MKI67: variants seen among roughly 807,000 people sequenced by gnomAD.
MKI67 encodes marker of proliferation Ki-67, also known as proliferation marker protein Ki-67.
MKI67 carries 152 observed loss-of-function variants against 233.5 expected under a neutral mutation model. The observed-to-expected ratio is 0.65, with a 90% CI of 0.57 to 0.74. The LOEUF is 0.74. Among genes scored for constraint, MKI67 ranks in the 30% least tolerant of loss-of-function variants. MKI67 has a pLI of 0.00. For missense variants in MKI67, 3,940 were observed against 3,885.2 expected (o/e 1.01, Z -0.37); for synonymous variants, 1,465 against 1,418.5 (o/e 1.03, Z -0.74).
Position 128,097,553 on chromosome 10 carries a change from G to A in MKI67, c.*1637C>T, listed in dbSNP as rs1033350415. The stretch of plus-strand genomic sequence containing the variant: ...ATGGCTGGATGAAATTTTTCTATGT[G>A]AGGTTCATAATTACTACTAAGTCTA... On this transcript the variant is annotated 3_prime_UTR_variant, in exon 15 of 15. Transcript: ENST00000368654. 5.3e-5 allele frequency: 8 copies of A among 152,118 alleles called. No homozygotes were observed. Among genetic ancestry groups the A allele is most frequent in the Non-Finnish European group, 8.8e-5 (6 of 68,016 alleles). 9.4% of individuals were successfully genotyped at this position (152,118 alleles called of 1,614,324 possible).
At chr10:128,101,733 C>T (rs1852341690) in intron 13 of MKI67, 32 bp from the exon 14 acceptor site, 2 of 1,525,210 alleles carry the variant, frequency 1.3e-6, no homozygotes, top group South Asian at 2.5e-5. Flanking sequence ...CACAAAATTC[C>T]AATAATTAGT....
chr10:128,115,238 A>G lies in MKI67; in HGVS notation c.1170T>C (p.Leu390=), dbSNP rs750091742. 6.2e-7 allele frequency: 1 copy of G among 1,614,224 alleles called. No individual in the cohort carries two copies. The highest frequency in any genetic ancestry group is 8.5e-7 in the Non-Finnish European group (1 of 1,180,042). The part of the protein sequence containing the change: ...SEGFKAGDKT[L]TPRKLSTRNR... ...TTCTAGTTGAAAGCTTCCTGGGAGTAAGAGTTTTATCACCAGCCTTGAAGC... is the reference window on the plus strand; with the variant it reads ...TTCTAGTTGAAAGCTTCCTGGGAGTGAGAGTTTTATCACCAGCCTTGAAGC... Residue 390 remains leucine, a synonymous_variant, in exon 7 of 15, where the codon CTT becomes CTC. Transcript: ENST00000368654.
chr10:128,118,808 C>T (rs1254113788), intron 5 of MKI67, among the ~76,000 whole-genome samples: 5 of 152,100 alleles, frequency 3.3e-5, no homozygotes, highest in African/African-American at 4.8e-5. Context: ...TTTCATGGGT[C>T]GTCTATCTAT....
At chr10:128,122,449 T>C (rs1170970900) in intron 4 of MKI67, among the ~76,000 whole-genome samples, 1 of 152,158 alleles carries the variant, frequency 6.6e-6, no homozygotes, top group East Asian at 1.9e-4. Context: ...GAATTCAAAA[T>C]ATGAATTTCG....
Position 128,102,640 on chromosome 10 carries a change from C to T in MKI67, c.9200G>A (p.Ser3067Asn), listed in dbSNP as rs1373589907. The T allele has an allele frequency of 6.2e-7, 1 of 1,614,108 alleles. No homozygotes were observed. Among genetic ancestry groups the T allele is most frequent in the African/African-American group, 1.3e-5 (1 of 74,940 alleles). Residue 3067 changes from serine (S) to asparagine (N), a missense_variant, in exon 13 of 15, where the codon AGC (serine) becomes AAC (asparagine). Transcript: ENST00000368654. ...KRIEPAEELNSNDMKTNKEEH... is the reference protein window; with the variant it reads ...KRIEPAEELNNNDMKTNKEEH... ...CTCTTTGTTGGTTTTCATGTCGTTG[C>T]TGTTCAGCTCTTCCGCAGGTTCAAT...
Position 128,106,555 on chromosome 10 carries a change from G to A in MKI67, c.5285C>T (p.Ala1762Val). ...TGCTAAAAATTCTTCTTCAGTGTCT[G>A]CTTTCCTGAGACTTCTCTTGGGCTG... is the stretch of plus-strand genomic sequence containing the variant. ...KPQPKRSLRK[A>V]DTEEEFLAFR... Residue 1762 changes from alanine (A) to valine (V), a missense_variant, in exon 13 of 15, where the codon GCA becomes GTA. Physicochemically the swap from Ala to Val is moderately conservative, Grantham distance 64. Transcript: ENST00000368654. The A allele has an allele frequency of 6.2e-7, 1 of 1,614,096 alleles. No individual in the cohort carries two copies. The highest frequency in any genetic ancestry group is 1.7e-5 in the Admixed American group (1 of 60,020).
At position 128,102,927 on chromosome 10, in the gene MKI67, C is replaced by A. The variant is rs1157233915; in HGVS notation, c.8913G>T (p.Val2971=). The A allele has an allele frequency of 6.2e-7, 1 of 1,614,200 alleles. No homozygotes were observed. The highest frequency in any genetic ancestry group is 8.5e-7 in the Non-Finnish European group (1 of 1,180,038). Residue 2971 remains valine (V), a synonymous_variant, in exon 13 of 15, where the codon GTG becomes GTT. Coordinates refer to ENST00000368654, the MANE Select transcript of MKI67 (RefSeq NM_002417.5). The part of the protein sequence containing the change: ...RVLRAPKVEP[V]GDVVSTRDPV... ...GGTCTCTGGTGCTTACCACGTCTCC[C>A]ACGGGTTCTACTTTAGGGGCCCGAA...
In MKI67 at chr10:128,111,664, G is replaced by T. The variant is rs1464893380; in HGVS notation, c.2241C>A (p.Asp747Glu). 6.2e-7 allele frequency: 1 copy of T among 1,612,616 alleles called. No individual in the cohort carries two copies. Among genetic ancestry groups the T allele is most frequent in the Non-Finnish European group, 8.5e-7 (1 of 1,179,664 alleles). ...TTTTACCTGAAAGATCTTCCTTAAA[G>T]TCCATTTTTTGGTTGGAAATGAAGT... ...LNNFISNQKM[D>E]FKEDLSGIAE... The change falls in exon 11 of 15, where the codon GAC becomes GAA. Residue 747 changes from aspartate (D) to glutamate (E), a missense_variant. Asp to Glu is a conservative substitution (Grantham distance 45, BLOSUM62 2). Transcript: ENST00000368654.
Position 128,104,501 on chromosome 10 carries a change from G to T in MKI67, c.7339C>A (p.Pro2447Thr), listed in dbSNP as rs769876788. ...LVGFKELFQT[P>T]GHTEESMTDD... ...GTCATTGATTCCTCAGTGTGACCTG[G>T]TGTCTGGAAGAGTTCTTTGAAGCCA... The change falls in exon 13 of 15, where the codon CCA (proline) becomes ACA (threonine). Residue 2447 changes from proline (P) to threonine (T), a missense_variant. Physicochemically the swap from Pro to Thr is conservative, Grantham distance 38. Coordinates refer to ENST00000368654, the MANE Select transcript of MKI67 (RefSeq NM_002417.5). The T allele has an allele frequency of 1.9e-6, 3 of 1,614,156 alleles. No homozygotes were observed. The highest frequency in any genetic ancestry group is 2.5e-6 in the Non-Finnish European group (3 of 1,180,042).
chr10:128,106,861 G>A lies in MKI67; in HGVS notation c.4979C>T (p.Thr1660Ile), dbSNP rs1565004436. The stretch of plus-strand genomic sequence containing the variant: ...TCCTGTTGGCTCTGTGTGTGTGTGT[G>A]TAGTCTCTCCTGATGTCTGTGTGAG... Reference protein sequence around the residue: ...GKLTQTSGETTHTHTEPTGDG... With the variant: ...GKLTQTSGETIHTHTEPTGDG... The change falls in exon 13 of 15, where the codon ACA (threonine) becomes ATA (isoleucine). Residue 1660 changes from threonine to isoleucine, a missense_variant. Transcript: ENST00000368654. 1.2e-6 allele frequency: 2 copies of A among 1,614,090 alleles called. No individual in the cohort carries two copies. Among genetic ancestry groups the A allele is most frequent in the East Asian group, 2.2e-5 (1 of 44,880 alleles).
In MKI67 at chr10:128,103,160, C is replaced by A; in HGVS notation, c.8680G>T (p.Asp2894Tyr). ...AFKQPAKRKL[D>Y]AEDVIGSRRQ... ...CTGCTGCCAATTACATCTTCTGCGT[C>A]CAGCTTCCGCTTTGCAGGTTGCTTA... Residue 2894 changes from aspartate (D) to tyrosine (Y), a missense_variant, in exon 13 of 15, where the codon GAC (aspartate) becomes TAC (tyrosine). Transcript: ENST00000368654. 6.2e-7 allele frequency: 1 copy of A among 1,611,168 alleles called. No individual in the cohort carries two copies. Among genetic ancestry groups the A allele is most frequent in the Non-Finnish European group, 8.5e-7 (1 of 1,179,242 alleles).
rs569224083 is a variant in MKI67 at position 128,103,413 on chromosome 10, A to G, written c.8427T>C (p.Gly2809=). 6.2e-7 allele frequency: 1 copy of G among 1,610,810 alleles called. No individual in the cohort carries two copies. The highest frequency in any genetic ancestry group is 8.5e-7 in the Non-Finnish European group (1 of 1,179,430). Residue 2809 remains glycine (G), a synonymous_variant, in exon 13 of 15, where the codon GGT becomes GGC. Transcript: ENST00000368654. ...CATCAGTCATTGATTCTTCAGTGTG[A>G]CCTGCTGCTGGGTCTTTGAAGCCAG... ...DLAGFKDPAA[G]HTEESMTDDK...
rs1190741792 is a variant in MKI67 at position 128,112,197 on chromosome 10, T to C, written c.1905A>G (p.Gln635=). ...AACATATCATCTGTAAAATATCATG[T>C]TGACTTCGGCTGATAGACACTCTCT... is the stretch of plus-strand genomic sequence containing the variant. ...PSKRVSISRS[Q]HDILQMICSK... The change falls in exon 9 of 15, where the codon CAA becomes CAG. Residue 635 remains glutamine, a synonymous_variant. Coordinates refer to ENST00000368654, the MANE Select transcript of MKI67 (RefSeq NM_002417.5). 6.2e-7 allele frequency: 1 copy of C among 1,614,274 alleles called. No individual in the cohort carries two copies. The highest frequency in any genetic ancestry group is 8.5e-7 in the Non-Finnish European group (1 of 1,180,052).
At position 128,116,495 on chromosome 10, in the gene MKI67, G is replaced by C; in HGVS notation, c.396C>G (p.Asp132Glu). 1 of 1,613,912 alleles carries C rather than the reference G, an allele frequency of 6.2e-7. No homozygotes were observed. Among genetic ancestry groups the C allele is most frequent in the Non-Finnish European group, 8.5e-7 (1 of 1,179,800 alleles). Residue 132 changes from aspartate (D) to glutamate (E), a missense_variant, in exon 6 of 15, where the codon GAC (aspartate) becomes GAG (glutamate). Asp to Glu is a conservative substitution (Grantham distance 45). Transcript: ENST00000368654. The stretch of plus-strand genomic sequence containing the variant: ...CAAAACCCAACCACTACTCACCAGG[G>C]TCAGAAGAGAAGCTAGATCTTGAGA... ...RRVSRSSFSS[D>E]PDEKAQDSKA...
chr10:128,123,213 T>A, intron 2 of MKI67, 44 bp from the exon 3 acceptor site: 1 of 1,341,314 alleles, frequency 7.5e-7, no homozygotes, highest in Non-Finnish European at 1.1e-6. Context: ...TGCAACTTTT[T>A]AAAAGATTAC....
chr10:128,100,729 A>G (rs1323410758), intron 14 of MKI67, among the ~76,000 whole-genome samples: 1 of 152,198 alleles, frequency 6.6e-6, no homozygotes, highest in Non-Finnish European at 1.5e-5. Context: ...TAGCTTAGAT[A>G]GTCTCTGGCT....
chr10:128,099,804 G>A (rs2857035), intron 14 of MKI67, among the ~76,000 whole-genome samples: 42,101 of 152,014 alleles, frequency 0.28, 5,857 homozygotes, highest in African/African-American at 0.3. Context: ...TAGGACTACC[G>A]ACACCCACCG....
Position 128,107,138 on chromosome 10 carries a change from A to G in MKI67, c.4702T>C (p.Leu1568=). 6.2e-7 allele frequency: 1 copy of G among 1,612,160 alleles called. No homozygotes were observed. Among genetic ancestry groups the G allele is most frequent in the Non-Finnish European group, 8.5e-7 (1 of 1,179,686 alleles). The change falls in exon 13 of 15, where the codon TTA becomes CTA. Residue 1568 remains leucine, a synonymous_variant. Coordinates refer to ENST00000368654, the MANE Select transcript of MKI67 (RefSeq NM_002417.5). The stretch of plus-strand genomic sequence containing the variant: ...TGTAGCCGTCTCTTGCTGCCAGTTA[A>G]GTTCTCTGTCAGGTCCAGTTTCTGC... ...PVQKLDLTEN[L]TGSKRRLQTP... is the part of the protein sequence containing the mutation.
chr10:128,122,893 T>C lies in MKI67; in HGVS notation c.275A>G (p.Asp92Gly). 1 of 1,559,022 alleles carries C rather than the reference T, an allele frequency of 6.4e-7. No individual in the cohort carries two copies. The change falls in exon 4 of 15, where the codon GAT (aspartate) becomes GGT (glycine). Residue 92 changes from aspartate to glycine, a missense_variant. Asp to Gly is a moderately conservative substitution (Grantham distance 94). Coordinates refer to ENST00000368654, the MANE Select transcript of MKI67 (RefSeq NM_002417.5). ...LKHGDVITII[D>G]RSFRYENESL... ...AGCTTTTACCTACCTGAAGGAACGA[T>C]CAATAATAGTTATTACATCTCCATG...
Sources: gnomAD v4.1 joint callset for allele counts (sites outside exome capture counted in the v4.1 genomes callset) on GRCh38, gnomAD v4.1.1 for gene constraint, MANE v1.5 for transcripts, NCBI Gene and HGNC (gene_info 2026-07-23, HGNC 2026-07-21) for gene names.